LSM6: variants seen among roughly 807,000 people sequenced by gnomAD.
LSM6 encodes U6 snRNA-associated Sm-like protein LSm6.
Under a neutral mutation model 13.5 loss-of-function variants are expected in LSM6, and 2 were observed. The observed-to-expected ratio is 0.15, with a 90% CI of 0.06 to 0.47. LSM6 has a LOEUF of 0.47. Ranked by LOEUF, LSM6 falls within the 20% of genes least tolerant of loss-of-function variation. The probability of loss-of-function intolerance (pLI) is 0.97; values close to 1 mark genes in which losing one functional copy is unlikely to be tolerated. For synonymous variants in LSM6, 43 were observed against 34.9 expected, an observed-to-expected ratio of 1.23 and a Z score of -0.82; for missense variants, 58 against 96.4, an observed-to-expected ratio of 0.60 and a Z score of 1.67.
intron 2 of LSM6, chr4:146,183,747 A>G (rs1481074857): frequency 1.5e-5 from 2 of 136,820 alleles, no homozygotes; most frequent in East Asian, 4.1e-4. Flanking sequence ...TATTTTTTTT[A>G]TTATTTATTT....
intron 2 of LSM6, among the ~76,000 whole-genome samples, chr4:146,185,097 A>G (rs1337664585): frequency 6.6e-6 from 1 of 152,130 alleles, no homozygotes; most frequent in Non-Finnish European, 1.5e-5. Context: ...GTTTTTTGCC[A>G]CTATAAACAA....
chr4:146,181,338 C>G (rs1321774319), intron 1 of LSM6: 1 of 152,188 alleles, frequency 6.6e-6, no homozygotes, highest in African/African-American at 2.4e-5. Flanking sequence ...TTTGTTTACT[C>G]ACACTCTTTA....
In LSM6 at chr4:146,190,996, T is replaced by A. The variant is rs1730458232; in HGVS notation, c.*1340T>A. The A allele has an allele frequency of 6.6e-6, 1 of 152,126 alleles. No individual in the cohort carries two copies. Among genetic ancestry groups the A allele is most frequent in the African/African-American group, 2.4e-5 (1 of 41,418 alleles). The allele number at this position is 152,126 out of a possible 1,614,324, so 9.4% of individuals were successfully genotyped here. ...TTTATTTTAAAGATCAGAGAGTAAT[T>A]GGAAACAATTATTTTTTAATTAATA... On this transcript the variant is annotated 3_prime_UTR_variant, in exon 4 of 4. Transcript: ENST00000296581.
chr4:146,183,148 C>A (rs985473605), intron 2 of LSM6, 133 bp downstream of exon 2: 2 of 585,208 alleles, frequency 3.4e-6, no homozygotes, highest in African/African-American at 3.8e-5. Context: ...ATGCATATAT[C>A]TTTTTCTATC....
At chr4:146,183,055 T>G in intron 2 of LSM6, 40 bp downstream of exon 2, 1 of 1,367,842 alleles carries the variant, frequency 7.3e-7, no homozygotes, top group Non-Finnish European at 1.0e-6. Flanking sequence ...TATAACTGAA[T>G]AAGTAAATGT....
Position 146,190,216 on chromosome 4 carries a change from C to T in LSM6, c.*560C>T, listed in dbSNP as rs1422916575. ...CAGAATTGGAAAGCCAAGAGTGCCA[C>T]TTGCACATAAGGAGTGGGAATTCGA... On this transcript the variant is annotated 3_prime_UTR_variant, in exon 4 of 4. Transcript: ENST00000296581. The T allele has an allele frequency of 6.6e-6, 1 of 152,614 alleles. No homozygotes were observed. Among genetic ancestry groups the T allele is most frequent in the African/African-American group, 2.4e-5 (1 of 41,452 alleles). 9.5% of individuals were successfully genotyped at this position (152,614 alleles called of 1,614,324 possible). A position where few individuals can be genotyped will look rare whatever the true frequency, so the allele number is the denominator to read the frequency against.
Position 146,189,885 on chromosome 4 carries a change from C to A in LSM6, c.*229C>A. ...TACCTCGTTGTCAGTGTACAGAATG[C>A]TAAAATAATTAAAAAAAGACAAAAT... is the stretch of plus-strand genomic sequence containing the variant. On this transcript the variant is annotated 3_prime_UTR_variant, in exon 4 of 4. Transcript: ENST00000296581. 1 of 416,936 alleles carries A rather than the reference C, an allele frequency of 2.4e-6. No homozygotes were observed. Among genetic ancestry groups the A allele is most frequent in the Non-Finnish European group, 4.2e-6 (1 of 236,198 alleles). 25.8% of individuals were successfully genotyped at this position (416,936 alleles called of 1,614,324 possible).
intron 1 of LSM6, chr4:146,176,699 G>A (rs1730118148): frequency 6.6e-6 from 1 of 151,732 alleles, no homozygotes; most frequent in South Asian, 2.1e-4. Flanking sequence ...ATCTTCTTTT[G>A]ATTGTCCTAT....
intron 1 of LSM6, among the ~76,000 whole-genome samples, chr4:146,177,801 T>A (rs969825823): frequency 2.0e-5 from 3 of 152,190 alleles, no homozygotes; most frequent in Non-Finnish European, 4.4e-5. Flanking sequence ...TAGCACCACC[T>A]TCCTCAGTCA....
At chr4:146,187,601 A>G (rs899157699) in intron 3 of LSM6, 5 of 445,502 alleles carry the variant, frequency 1.1e-5, no homozygotes, top group Non-Finnish European at 1.6e-5. Flanking sequence ...TCCTTTAGTG[A>G]TGAGGAACTG....
intron 3 of LSM6, among the ~76,000 whole-genome samples, chr4:146,188,550 C>T (rs1424563123): frequency 6.6e-6 from 1 of 152,184 alleles, no homozygotes; most frequent in Admixed American, 6.5e-5. Context: ...TTTGATTCAT[C>T]TGTGCTATGT....
intron 2 of LSM6, among the ~76,000 whole-genome samples, chr4:146,183,879 T>TG: frequency 6.7e-6 from 1 of 149,246 alleles, no homozygotes; most frequent in East Asian, 1.9e-4. Context: ...TCTTTTTTTT[T>TG]TTTTTTTTTT....
intron 3 of LSM6, 114 bp from the exon 4 acceptor site, chr4:146,189,508 C>A: frequency 1.5e-6 from 1 of 672,074 alleles, no homozygotes; most frequent in South Asian, 1.7e-5. Context: ...TACGAGAATT[C>A]CTTTTAAATG....
At chr4:146,182,810 G>C (rs1489516563) in intron 1 of LSM6, 102 bp from the exon 2 acceptor site, 3 of 712,144 alleles carry the variant, frequency 4.2e-6, no homozygotes, top group Non-Finnish European at 7.6e-6. Flanking sequence ...ATGGTCCTTT[G>C]ATACTTCATT....
chr4:146,188,456 C>T (rs1730395469), intron 3 of LSM6, among the ~76,000 whole-genome samples: 1 of 152,144 alleles, frequency 6.6e-6, no homozygotes, highest in South Asian at 2.1e-4. Context: ...CCCTTCATGT[C>T]ACATTTCCCA....
At chr4:146,179,709 A>C (rs1730190027) in intron 1 of LSM6, among the ~76,000 whole-genome samples, 1 of 152,202 alleles carries the variant, frequency 6.6e-6, no homozygotes, top group African/African-American at 2.4e-5. Flanking sequence ...GGTTATAGCA[A>C]ATAAAATCAA....
At chr4:146,186,638 T>TA (rs775771425) in intron 2 of LSM6, among the ~76,000 whole-genome samples, 6 of 152,204 alleles carry the variant, frequency 3.9e-5, no homozygotes, top group Non-Finnish European at 5.9e-5. Flanking sequence ...ATTATAGCTG[T>TA]AACAAAACAG....
At chr4:146,188,985 C>CTT (rs574933137) in intron 3 of LSM6, among the ~76,000 whole-genome samples, 16 of 131,326 alleles carry the variant, frequency 1.2e-4, no homozygotes, top group Admixed American at 2.3e-4. Context: ...TGAAAAGCAT[C>CTT]TTTTTTTTTT....
At chr4:146,186,329 C>G (rs1730348364) in intron 2 of LSM6, among the ~76,000 whole-genome samples, 1 of 151,930 alleles carries the variant, frequency 6.6e-6, no homozygotes, top group Non-Finnish European at 1.5e-5. Context: ...ATAATGGGGG[C>G]AGAGGCAGAG....
Sources: allele counts gnomAD v4.1 joint callset (sites outside exome capture counted in the v4.1 genomes callset), GRCh38; gene constraint gnomAD v4.1.1; transcripts MANE v1.5; gene names NCBI Gene and HGNC (gene_info 2026-07-23, HGNC 2026-07-21).